ZDHHC11B: variants seen among roughly 807,000 people sequenced by gnomAD.
ZDHHC11B encodes zDHHC palmitoyltransferase 11B (putative).
ZDHHC11B carries 17 observed loss-of-function variants against 42.3 expected under a neutral mutation model. The observed-to-expected ratio is 0.40, with a 90% CI of 0.27 to 0.60. ZDHHC11B has a LOEUF of 0.60. ZDHHC11B is among the 20% of genes least tolerant of loss of function. The pLI is 0.41. For synonymous variants in ZDHHC11B, 123 were observed against 193.5 expected (o/e 0.64, Z 3.02); for missense variants, 262 against 463.2 (o/e 0.57, Z 3.99).
intron 12 of ZDHHC11B, among the ~76,000 whole-genome samples, 166 bp downstream of exon 12, chr5:730,268 A>C (rs1438258968): frequency 6.6e-6 from 1 of 151,898 alleles, no homozygotes; most frequent in African/African-American, 2.4e-5. Context: ...AGATCAGTGC[A>C]ATAAGCCACA....
chr5:724,896 G>T (rs1742458266), intron 12 of ZDHHC11B, among the ~76,000 whole-genome samples: 1 of 147,550 alleles, frequency 6.8e-6, no homozygotes, highest in Non-Finnish European at 1.5e-5. Context: ...CATCACTCTG[G>T]TCTGCCGCAT....
At chr5:727,435 G>C (rs1272675166) in intron 12 of ZDHHC11B, among the ~76,000 whole-genome samples, 2 of 147,536 alleles carry the variant, frequency 1.4e-5, no homozygotes, top group African/African-American at 5.0e-5. Flanking sequence ...TCCTGGAACC[G>C]AAACAAAATG....
chr5:739,995 C>T (rs1251393365), intron 10 of ZDHHC11B, among the ~76,000 whole-genome samples: 1 of 152,032 alleles, frequency 6.6e-6, no homozygotes. Flanking sequence ...GATGGAGTTG[C>T]AGACCATTAT....
chr5:774,404 G>A (rs1346005710), intron 1 of ZDHHC11B, among the ~76,000 whole-genome samples: 1 of 152,174 alleles, frequency 6.6e-6, no homozygotes, highest in Non-Finnish European at 1.5e-5. Flanking sequence ...TCTGTCACTA[G>A]GAACAGGGGT....
chr5:778,084 A>G lies in ZDHHC11B; in HGVS notation c.-230+6584T>C, dbSNP rs540442548. Among the ~76,000 whole-genome samples the G allele has an allele frequency of 8.5e-5, 13 of 152,048 alleles. 1 individual carries two copies. Among genetic ancestry groups the G allele is most frequent in the South Asian group, 6.2e-4 (3 of 4,808 alleles). ...AGGACAGAGGGGCAAGGGGGCTCCC[A>G]GACTCTGCAAAGGACGCTGCGGCGG... On this transcript the variant is annotated intron_variant, in intron 1 of 13. Coordinates refer to ENST00000508859, the MANE Select transcript of ZDHHC11B (RefSeq NM_001351303.2).
chr5:745,521 C>T (rs1186149288), intron 8 of ZDHHC11B, among the ~76,000 whole-genome samples: 5 of 149,902 alleles, frequency 3.3e-5, no homozygotes, highest in Non-Finnish European at 4.4e-5. Context: ...TCTGCAGCTG[C>T]GACCTGGGGA....
intron 4 of ZDHHC11B, among the ~76,000 whole-genome samples, chr5:758,457 G>T (rs1414355279): frequency 6.6e-6 from 1 of 151,862 alleles, no homozygotes; most frequent in Non-Finnish European, 1.5e-5. Flanking sequence ...GCTGCTGGGG[G>T]CCACCAGGAG....
At position 766,848 on chromosome 5, in the gene ZDHHC11B, C is replaced by G; in HGVS notation, c.72G>C (p.Leu24Phe). Residue 24 changes from leucine to phenylalanine, a missense_variant, in exon 4 of 14, where the codon TTG becomes TTC. Transcript: ENST00000508859. ...EAIRNNEELVLPPRISRVNGW... is the reference protein window; with the variant it reads ...EAIRNNEELVFPPRISRVNGW... ...CGTTCACTCTGGAGATGCGGGGCGG[C>G]AAGACCAGCTCTTCATTGTTGCGTA... The G allele has an allele frequency of 1.2e-6, 2 of 1,612,810 alleles. No individual in the cohort carries two copies. The highest frequency in any genetic ancestry group is 1.1e-5 in the South Asian group (1 of 90,926).
At chr5:724,666 C>T (rs1742436852) in intron 12 of ZDHHC11B, among the ~76,000 whole-genome samples, 1 of 145,714 alleles carries the variant, frequency 6.9e-6, no homozygotes, top group African/African-American at 2.5e-5. Flanking sequence ...ATCAGTTACA[C>T]ACACACACAC....
intron 1 of ZDHHC11B, among the ~76,000 whole-genome samples, chr5:776,006 T>A (rs1371009976): frequency 6.7e-6 from 1 of 148,506 alleles, no homozygotes; most frequent in African/African-American, 2.5e-5. Context: ...CAGATTCCCA[T>A]GCAGATACCC....
At chr5:762,482 G>A (rs561055468) in intron 4 of ZDHHC11B, among the ~76,000 whole-genome samples, 4 of 151,904 alleles carry the variant, frequency 2.6e-5, no homozygotes, top group African/African-American at 7.2e-5. Context: ...CTTGTAGATA[G>A]GGTGTGGCCT....
At chr5:773,711 C>T (rs1177068924) in intron 1 of ZDHHC11B, among the ~76,000 whole-genome samples, 2 of 151,874 alleles carry the variant, frequency 1.3e-5, no homozygotes, top group Admixed American at 1.3e-4. Context: ...CCTGGCCAAA[C>T]CCCACGGGAG....
chr5:769,857 T>C (rs1353218251), intron 1 of ZDHHC11B, among the ~76,000 whole-genome samples: 17 of 152,096 alleles, frequency 1.1e-4, no homozygotes, highest in African/African-American at 3.6e-4. Context: ...GAACCCTTCC[T>C]GATGCTAGTG....
chr5:775,957 C>G (rs964886540), intron 1 of ZDHHC11B, among the ~76,000 whole-genome samples: 1 of 142,490 alleles, frequency 7.0e-6, no homozygotes, highest in Admixed American at 7.0e-5. Flanking sequence ...GGAGTGCATG[C>G]CAGGAACCCC....
At chr5:739,506 AG>A (rs1326496915) in intron 10 of ZDHHC11B, among the ~76,000 whole-genome samples, 49 of 150,696 alleles carry the variant, frequency 3.3e-4, no homozygotes, top group African/African-American at 1.1e-3. Flanking sequence ...CAACAAGCAT[AG>A]GAAAAAATGC....
At chr5:742,819 AAT>A (rs746747478) in intron 9 of ZDHHC11B, among the ~76,000 whole-genome samples, 26 of 148,974 alleles carry the variant, frequency 1.7e-4, no homozygotes, top group Non-Finnish European at 3.0e-4. Flanking sequence ...TTGAAGAGCA[AAT>A]ATTTTCAATT....
chr5:783,786 C>A (rs1737042164), intron 1 of ZDHHC11B, among the ~76,000 whole-genome samples: 1 of 128,008 alleles, frequency 7.8e-6, no homozygotes. Context: ...GCCCCCAAAC[C>A]CCATCAAAAC....
At chr5:760,438 A>G (rs79943583) in intron 4 of ZDHHC11B, among the ~76,000 whole-genome samples, 1 of 151,686 alleles carries the variant, frequency 6.6e-6, no homozygotes, top group African/African-American at 2.4e-5. Flanking sequence ...AGCGGCCAGA[A>G]CCATCCCCTC....
chr5:745,444 A>T lies in ZDHHC11B; in HGVS notation c.785-146T>A. On this transcript the variant is annotated intron_variant, in intron 8 of 13. Transcript: ENST00000508859. Reference sequence around the variant, plus strand: ...CTCCGCCCACCATGCAGGCCCTGTGAGGTCAGGATGAGTGCAGATGCCTTG... The same window carrying T: ...CTCCGCCCACCATGCAGGCCCTGTGTGGTCAGGATGAGTGCAGATGCCTTG... The T allele has an allele frequency of 2.6e-6, 2 of 763,350 alleles. 1 individual carries two copies. The highest frequency in any genetic ancestry group is 5.5e-5 in the East Asian group (2 of 36,448). 47.3% of individuals were successfully genotyped at this position (763,350 alleles called of 1,614,324 possible).
Sources: allele counts gnomAD v4.1 joint callset (sites outside exome capture counted in the v4.1 genomes callset), GRCh38; gene constraint gnomAD v4.1.1; transcripts MANE v1.5; gene names NCBI Gene and HGNC (gene_info 2026-07-23, HGNC 2026-07-21).